VLDLR: variants seen among roughly 807,000 people sequenced by gnomAD.
VLDLR encodes very low density lipoprotein receptor.
VLDLR carries 81 observed loss-of-function variants against 112.7 expected under a neutral mutation model. The ratio of observed to expected loss-of-function variants is 0.72; its 90% confidence interval spans 0.60 to 0.86. The LOEUF (loss-of-function observed/expected upper bound fraction) is 0.86, where lower values mean the gene tolerates loss of function less well. VLDLR is among the 40% of genes least tolerant of loss of function. The probability of loss-of-function intolerance (pLI) is 0.00; values close to 1 mark genes in which losing one functional copy is unlikely to be tolerated. For missense variants in VLDLR, 1,237 were observed against 1,099.4 expected (o/e 1.13, Z -1.77); for synonymous variants, 436 against 384.8 (o/e 1.13, Z -1.56).
At chr9:2,623,075 T>G (rs1450112766) in intron 1 of VLDLR, among the ~76,000 whole-genome samples, 2 of 152,234 alleles carry the variant, frequency 1.3e-5, no homozygotes, top group Non-Finnish European at 2.9e-5. Flanking sequence ...TGACGTTTCC[T>G]CGAGAGGAAT....
chr9:2,643,755 G>A lies in VLDLR; in HGVS notation c.943+5G>A. On this transcript the variant is annotated splice_donor_5th_base_variant and intron_variant, in intron 6 of 18. Coordinates refer to ENST00000382100, the MANE Select transcript of VLDLR (RefSeq NM_003383.5). ...ATGAAGTCAACTGCAAAAATGGTAA[G>A]GGTTTCTTCTTGTTGGTTAAGCAAT... is the stretch of plus-strand genomic sequence containing the variant. The A allele has an allele frequency of 6.2e-7, 1 of 1,614,198 alleles. No homozygotes were observed. The highest frequency in any genetic ancestry group is 8.5e-7 in the Non-Finnish European group (1 of 1,180,044).
intron 1 of VLDLR, among the ~76,000 whole-genome samples, chr9:2,626,429 G>A (rs532572903): frequency 1.3e-5 from 2 of 152,284 alleles, no homozygotes; most frequent in Non-Finnish European, 1.5e-5. Flanking sequence ...CTCAGATTGC[G>A]GATTAGGGAT....
At chr9:2,628,343 G>C (rs1247906192) in intron 1 of VLDLR, among the ~76,000 whole-genome samples, 1 of 152,216 alleles carries the variant, frequency 6.6e-6, no homozygotes, top group Non-Finnish European at 1.5e-5. Context: ...TGGTGAATGG[G>C]TGGACAAGGG....
At chr9:2,652,289 A>G (rs1818386004) in intron 17 of VLDLR, among the ~76,000 whole-genome samples, 1 of 152,200 alleles carries the variant, frequency 6.6e-6, no homozygotes, top group Admixed American at 6.5e-5. Context: ...GTAATGCTTC[A>G]TACAGAGGAG....
chr9:2,643,298 A>G lies in VLDLR; in HGVS notation c.587A>G (p.His196Arg). Residue 196 changes from histidine to arginine, a missense_variant, in exon 5 of 19, where the codon CAT becomes CGT. Physicochemically the swap from His to Arg is conservative, Grantham distance 29 (BLOSUM62 0). Coordinates refer to ENST00000382100, the MANE Select transcript of VLDLR (RefSeq NM_003383.5). ...LDCAPPTCGA[H>R]EFQCSTSSCI... ...TGTGCCCCGCCAACCTGTGGCGCCC[A>G]TGAGTTCCAGTGCAGCACCTCCTCC... The G allele has an allele frequency of 6.2e-7, 1 of 1,613,740 alleles. No individual in the cohort carries two copies. The highest frequency in any genetic ancestry group is 8.5e-7 in the Non-Finnish European group (1 of 1,179,716).
intron 1 of VLDLR, among the ~76,000 whole-genome samples, chr9:2,631,578 CTTATG>C (rs997684559): frequency 3.3e-5 from 5 of 152,070 alleles, no homozygotes; most frequent in African/African-American, 1.2e-4. Flanking sequence ...GGACAAATAT[CTTATG>C]TTCTCAATCG....
In VLDLR at chr9:2,646,293, G is replaced by C. The variant is rs41271163; in HGVS notation, c.1485-41G>C. On this transcript the variant is annotated intron_variant, in intron 10 of 18. Coordinates refer to ENST00000382100, the MANE Select transcript of VLDLR (RefSeq NM_003383.5). ...AAAGTCCATTCTCCAAGCTCTAATT[G>C]TGTCAAACTCTTAAATTTCTTGTGA... 9.5e-3 allele frequency: 15,151 copies of C among 1,600,298 alleles called. 92 individuals are homozygous for C. The highest frequency in any genetic ancestry group is 0.013 in the Middle Eastern group (80 of 6,054).
At chr9:2,648,448 G>A in intron 13 of VLDLR, 101 bp downstream of exon 13, 2 of 1,584,002 alleles carry the variant, frequency 1.3e-6, no homozygotes, top group South Asian at 2.2e-5. Flanking sequence ...AGCTGAACAT[G>A]GCTTGAGAAA....
chr9:2,626,963 T>C (rs1211746412), intron 1 of VLDLR, among the ~76,000 whole-genome samples: 2 of 152,246 alleles, frequency 1.3e-5, no homozygotes, highest in African/African-American at 2.4e-5. Flanking sequence ...AGGTTGCAGA[T>C]TGATGTTGGT....
intron 18 of VLDLR, among the ~76,000 whole-genome samples, chr9:2,653,279 A>G (rs1403487842): frequency 2.0e-5 from 3 of 152,252 alleles, no homozygotes; most frequent in East Asian, 3.8e-4. Context: ...ATTTGAAAGT[A>G]AATTAGCATA....
intron 12 of VLDLR, among the ~76,000 whole-genome samples, 166 bp from the exon 13 acceptor site, chr9:2,648,042 G>A (rs753769185): frequency 1.9e-4 from 29 of 152,202 alleles, no homozygotes; most frequent in Admixed American, 1.1e-3. Flanking sequence ...AAAAATGAAC[G>A]TGGATACAGG....
chr9:2,635,512 C>T lies in VLDLR; in HGVS notation c.142C>T (p.Leu48=), dbSNP rs1370307928. 6.2e-7 allele frequency: 1 copy of T among 1,614,118 alleles called. No individual in the cohort carries two copies. Among genetic ancestry groups the T allele is most frequent in the Non-Finnish European group, 8.5e-7 (1 of 1,180,002 alleles). The stretch of plus-strand genomic sequence containing the variant: ...GTGCACAAATGGTCGCTGTATTACG[C>T]TGTTGTGGAAATGTGATGGGGATGA... ...FQCTNGRCIT[L]LWKCDGDEDC... Residue 48 remains leucine, a synonymous_variant, in exon 2 of 19, where the codon CTG becomes TTG. Transcript: ENST00000382100.
intron 7 of VLDLR, 55 bp downstream of exon 7, chr9:2,644,014 T>A: frequency 6.2e-7 from 1 of 1,613,334 alleles, no homozygotes; most frequent in Non-Finnish European, 8.5e-7. Context: ...CAATCCAGTA[T>A]AGCTAACACT....
At position 2,659,343 on chromosome 9, in the gene VLDLR, A is replaced by G. The variant is rs1354659154; in HGVS notation, c.*5475A>G. The G allele has an allele frequency of 2.0e-5, 3 of 152,356 alleles. No individual in the cohort carries two copies. Among genetic ancestry groups the G allele is most frequent in the Middle Eastern group, 3.4e-3 (1 of 296 alleles). 9.4% of individuals were successfully genotyped at this position (152,356 alleles called of 1,614,324 possible). The stretch of plus-strand genomic sequence containing the variant: ...TCATTGCTGATGTTAGGATCCTTCA[A>G]CAGTTTCTCAGATGCCAGCTATGGC... On this transcript the variant is annotated 3_prime_UTR_variant, in exon 19 of 19. Coordinates refer to ENST00000382100, the MANE Select transcript of VLDLR (RefSeq NM_003383.5).
In VLDLR at chr9:2,654,017, C is replaced by G. The variant is rs1447833966; in HGVS notation, c.*149C>G. 1.4e-6 allele frequency: 1 copy of G among 737,578 alleles called. No homozygotes were observed. The highest frequency in any genetic ancestry group is 2.3e-6 in the Non-Finnish European group (1 of 429,660). The allele number at this position is 737,578 out of a possible 1,614,324, so 45.7% of individuals were successfully genotyped here. A position where few individuals can be genotyped will look rare whatever the true frequency, so the allele number is the denominator to read the frequency against. The stretch of plus-strand genomic sequence containing the variant: ...GCGTGGATCAAGCTTGTGTACTTGA[C>G]CGTTTTTATATTACTTTTGTAAATA... On this transcript the variant is annotated 3_prime_UTR_variant, in exon 19 of 19. Transcript: ENST00000382100.
At chr9:2,653,764 A>C in intron 18 of VLDLR, 69 bp from the exon 19 acceptor site, 4 of 1,581,646 alleles carry the variant, frequency 2.5e-6, no homozygotes, top group East Asian at 2.2e-5. Context: ...AGCAAGGTCC[A>C]TTTTAAAGAC....
At chr9:2,634,605 CCA>C (rs1483635187) in intron 1 of VLDLR, among the ~76,000 whole-genome samples, 2 of 152,186 alleles carry the variant, frequency 1.3e-5, no homozygotes, top group Non-Finnish European at 2.9e-5. Flanking sequence ...AATTAAATAT[CCA>C]TACATTAAGC....
At position 2,648,194 on chromosome 9, in the gene VLDLR, C is replaced by A. The variant is rs759752116; in HGVS notation, c.1823-14C>A. The A allele has an allele frequency of 6.2e-7, 1 of 1,612,512 alleles. No homozygotes were observed. The highest frequency in any genetic ancestry group is 8.5e-7 in the Non-Finnish European group (1 of 1,179,486). On this transcript the variant is annotated splice_polypyrimidine_tract_variant and intron_variant, in intron 12 of 18. Transcript: ENST00000382100. ...AGTGGCTTGTCATGTAATGACAATT[C>A]TTTTCCTACCTAGACCTTATAAAAA...
At chr9:2,645,832 T>C (rs1818046741) in intron 10 of VLDLR, 87 bp downstream of exon 10, 17 of 1,528,166 alleles carry the variant, frequency 1.1e-5, no homozygotes, top group Non-Finnish European at 1.5e-5. Context: ...GGAGTTTCTT[T>C]TGTGTCTAGC....
Sources: gnomAD v4.1 joint callset for allele counts (sites outside exome capture counted in the v4.1 genomes callset) on GRCh38, gnomAD v4.1.1 for gene constraint, MANE v1.5 for transcripts, NCBI Gene and HGNC (gene_info 2026-07-23, HGNC 2026-07-21) for gene names.